Variants in RARB observed in about 807,000 individuals in gnomAD.
RARB encodes HBV-activated protein.
A neutral mutation model predicts 51.9 loss-of-function variants in RARB; 17 were observed. The ratio of observed to expected loss-of-function variants is 0.33; its 90% confidence interval spans 0.22 to 0.49. The LOEUF is 0.49. Among genes scored for constraint, RARB ranks in the 20% least tolerant of loss-of-function variants. The pLI is 0.99. For missense variants in RARB, 369 were observed against 550.8 expected (o/e 0.67, Z 3.30); for synonymous variants, 215 against 195.4 (o/e 1.10, Z -0.84).
chr3:25,106,976 C>T (rs1699518672), intron 3 of RARB, among the ~76,000 whole-genome samples: 1 of 152,020 alleles, frequency 6.6e-6, no homozygotes, highest in South Asian at 2.1e-4. Flanking sequence ...TCTCAGCTCA[C>T]TGCAACCTCC....
intron 2 of RARB, among the ~76,000 whole-genome samples, chr3:25,043,223 T>C (rs948892442): frequency 1.3e-5 from 2 of 152,244 alleles, no homozygotes; most frequent in East Asian, 3.8e-4. Context: ...TTGGAATCCA[T>C]TTCTTTTTTA....
rs142544221 is a variant in RARB at position 25,416,354 on chromosome 3, A to C, written c.179-44839A>C. 2.5e-3 allele frequency among the ~76,000 whole-genome samples: 388 copies of C among 152,322 alleles called. 1 individual carries two copies. The highest frequency in any genetic ancestry group is 8.6e-3 in the African/African-American group (359 of 41,584). ...TAGAGAGCCAAGATTGCACCACTGC[A>C]CTCCAGCCTGGATAACAAAGTGAGA... On this transcript the variant is annotated intron_variant, in intron 5 of 11. Coordinates refer to the RARB transcript ENST00000383772.
chr3:25,191,718 C>T (rs560390271), intron 5 of RARB, among the ~76,000 whole-genome samples: 1 of 152,062 alleles, frequency 6.6e-6, no homozygotes, highest in South Asian at 2.1e-4. Context: ...AATGGCACCT[C>T]CCAAACCAGA....
At chr3:25,091,842 T>C (rs1699204944) in intron 3 of RARB, among the ~76,000 whole-genome samples, 1 of 152,206 alleles carries the variant, frequency 6.6e-6, no homozygotes, top group Admixed American at 6.6e-5. Flanking sequence ...GTGATCATAT[T>C]GGTTTGGTCT....
rs191531495 is a variant in RARB at position 25,584,707 on chromosome 3, A to C, written c.786+3985A>C. Among the ~76,000 whole-genome samples, 273 of 152,222 alleles carry C rather than the reference A, an allele frequency of 1.8e-3. 3 individuals are homozygous for C. Among genetic ancestry groups the C allele is most frequent in the African/African-American group, 6.5e-3 (269 of 41,548 alleles). ...CTCCTTCTTGGTATCCTATAGAGTCACTGGGTTTTGAGCAGAGGTGTACCA... is the reference window on the plus strand; with the variant it reads ...CTCCTTCTTGGTATCCTATAGAGTCCCTGGGTTTTGAGCAGAGGTGTACCA... On this transcript the variant is annotated intron_variant, in intron 5 of 7. Transcript: ENST00000330688.
chr3:25,176,342 C>CTTTCTTTCTTTCTTTCTTTCT (rs1700747733), intron 5 of RARB, among the ~76,000 whole-genome samples: 42 of 52,422 alleles, frequency 8.0e-4, no homozygotes, highest in African/African-American at 2.1e-3. Context: ...TCTTTCCTTC[C>CTTTCTTTCTTTCTTTCTTTCT]TTCCTTCCTT....
chr3:25,463,798 T>TG (rs1010756236), intron 2 of RARB, among the ~76,000 whole-genome samples: 8 of 152,230 alleles, frequency 5.3e-5, no homozygotes, highest in Non-Finnish European at 7.3e-5. Flanking sequence ...AGGCCAGTTT[T>TG]GGGAAATTCA....
At chr3:25,202,911 G>A (rs1559503630) in intron 5 of RARB, among the ~76,000 whole-genome samples, 2 of 152,196 alleles carry the variant, frequency 1.3e-5, no homozygotes, top group Middle Eastern at 3.2e-3. Context: ...TGTATATTTT[G>A]TTGATTTGGG....
intron 5 of RARB, among the ~76,000 whole-genome samples, chr3:25,287,494 G>A (rs995892048): frequency 9.2e-5 from 14 of 152,172 alleles, no homozygotes; most frequent in African/African-American, 3.4e-4. Flanking sequence ...GAGGGCAGGA[G>A]GGGGAAGCAT....
At chr3:25,094,914 C>T (rs1169606132) in intron 3 of RARB, among the ~76,000 whole-genome samples, 5 of 151,942 alleles carry the variant, frequency 3.3e-5, no homozygotes, top group Admixed American at 1.3e-4. Context: ...ATTTCACTTT[C>T]GTTTGATGTA....
At chr3:25,432,235 G>A (rs935424208) in intron 1 of RARB, among the ~76,000 whole-genome samples, 2 of 152,142 alleles carry the variant, frequency 1.3e-5, no homozygotes, top group Non-Finnish European at 2.9e-5. Flanking sequence ...TGTGAATATT[G>A]GATAAATTGG....
chr3:25,130,947 T>TTATCATTGATAATATCAA lies in RARB; in HGVS notation c.-327-1211_-327-1210insCATTGATAATATCAATAT, dbSNP rs1559477581. On this transcript the variant is annotated intron_variant, in intron 3 of 11. Transcript: ENST00000383772. ...TATTTATCATTGATAATATCAATAT[T>TTATCATTGATAATATCAA]TATTATTGATAATATTATCAATATT... Among the ~76,000 whole-genome samples the TTATCATTGATAATATCAA allele has an allele frequency of 3.0e-4, 13 of 43,006 alleles. 1 individual carries two copies. Among genetic ancestry groups the TTATCATTGATAATATCAA allele is most frequent in the East Asian group, 1.1e-3 (1 of 914 alleles). 28.2% of individuals were successfully genotyped at this position (43,006 alleles called of 152,430 possible). A position where few individuals can be genotyped will look rare whatever the true frequency, so the allele number is the denominator to read the frequency against.
At chr3:24,867,818 A>C (rs1277680233) in intron 2 of RARB, among the ~76,000 whole-genome samples, 1 of 152,174 alleles carries the variant, frequency 6.6e-6, no homozygotes, top group Non-Finnish European at 1.5e-5. Flanking sequence ...TTCTCTTAAG[A>C]AAAGCCCACA....
intron 2 of RARB, among the ~76,000 whole-genome samples, chr3:25,472,551 A>G (rs1695748629): frequency 6.6e-6 from 1 of 152,186 alleles, no homozygotes; most frequent in Non-Finnish European, 1.5e-5. Context: ...GGTGGAATCG[A>G]TTGTTTCCCC....
At position 24,879,943 on chromosome 3, in the gene RARB, G is replaced by A. The variant is rs187583332; in HGVS notation, c.-380+21191G>A. Among the ~76,000 whole-genome samples the A allele has an allele frequency of 1.7e-3, 243 of 146,714 alleles. 3 individuals carry two copies. In the East Asian group the frequency reaches 0.038, roughly 23 times the overall value. Reference sequence around the variant, plus strand: ...GTGAATCCCATCTTGCAAAGTTCTTGAGTTTTGTGTTACGCCTCTGTCCTA... The same window carrying A: ...GTGAATCCCATCTTGCAAAGTTCTTAAGTTTTGTGTTACGCCTCTGTCCTA... On this transcript the variant is annotated intron_variant, in intron 2 of 11. Coordinates refer to the RARB transcript ENST00000383772.
intron 5 of RARB, among the ~76,000 whole-genome samples, chr3:25,334,236 T>C (rs898279460): frequency 2.0e-5 from 3 of 152,208 alleles, no homozygotes; most frequent in Non-Finnish European, 4.4e-5. Context: ...CACGTATGTT[T>C]ATTGCAGCAC....
intron 2 of RARB, among the ~76,000 whole-genome samples, chr3:24,906,797 A>G (rs977548183): frequency 1.5e-4 from 20 of 134,918 alleles, no homozygotes; most frequent in Non-Finnish European, 2.7e-4. Context: ...GTGAGCTGAG[A>G]TTGTGCCACT....
intron 5 of RARB, among the ~76,000 whole-genome samples, chr3:25,276,762 T>A (rs1703390922): frequency 6.6e-6 from 1 of 152,212 alleles, no homozygotes. Flanking sequence ...CAGTCCTTGG[T>A]AGTAAACCCA....
At chr3:24,898,032 G>C (rs959738547) in intron 2 of RARB, among the ~76,000 whole-genome samples, 1 of 152,090 alleles carries the variant, frequency 6.6e-6, no homozygotes, top group Non-Finnish European at 1.5e-5. Flanking sequence ...AAAGACTTTA[G>C]ACCTCATGGT....
Sources: allele counts gnomAD v4.1 joint callset (sites outside exome capture counted in the v4.1 genomes callset), GRCh38; gene constraint gnomAD v4.1.1; transcripts MANE v1.5; gene names NCBI Gene and HGNC (gene_info 2026-07-23, HGNC 2026-07-21).